Variants in PCNX2 observed in about 807,000 individuals in gnomAD.
PCNX2 encodes pecanex-like protein 2.
A neutral mutation model predicts 223.8 loss-of-function variants in PCNX2; 168 were observed. The observed-to-expected ratio is 0.75, with a 90% CI of 0.66 to 0.85. The LOEUF is 0.85. Ranked by LOEUF, PCNX2 falls within the 40% of genes least tolerant of loss-of-function variation. The pLI is 0.00. For synonymous variants in PCNX2, 1,006 were observed against 1,052.6 expected (o/e 0.96, Z 0.86); for missense variants, 2,507 against 2,675.5 (o/e 0.94, Z 1.39).
intron 15 of PCNX2, among the ~76,000 whole-genome samples, chr1:233,198,205 G>C (rs1455276356): frequency 1.3e-5 from 2 of 152,052 alleles, no homozygotes; most frequent in East Asian, 3.9e-4. Context: ...GCTATTTCTT[G>C]ATTTTTATTT....
chr1:233,254,093 G>A (rs1207990886), intron 5 of PCNX2, among the ~76,000 whole-genome samples: 1 of 152,216 alleles, frequency 6.6e-6, no homozygotes, highest in Non-Finnish European at 1.5e-5. Context: ...GTTAGTGTCT[G>A]TGGGATATAA....
At chr1:233,249,401 A>C (rs1366141416) in intron 8 of PCNX2, among the ~76,000 whole-genome samples, 1 of 152,250 alleles carries the variant, frequency 6.6e-6, no homozygotes, top group East Asian at 1.9e-4. Flanking sequence ...ATGCAATTAC[A>C]TATTTTGTCT....
At chr1:233,067,555 C>A (rs970472505) in intron 23 of PCNX2, among the ~76,000 whole-genome samples, 2 of 151,746 alleles carry the variant, frequency 1.3e-5, no homozygotes, top group Non-Finnish European at 2.9e-5. Context: ...CTCATTGCAA[C>A]CTTCACCTCC....
chr1:233,244,302 CATAGCTAG>C (rs1458978641), intron 8 of PCNX2, among the ~76,000 whole-genome samples: 2 of 152,196 alleles, frequency 1.3e-5, no homozygotes, highest in Non-Finnish European at 2.9e-5. Context: ...CTTGTGTTCA[CATAGCTAG>C]ATACTAAACC....
At position 233,161,285 on chromosome 1, in the gene PCNX2, A is replaced by G. The variant is rs1252265181; in HGVS notation, c.3352T>C (p.Phe1118Leu). The part of the protein sequence containing the change: ...LSFAVSASTV[F>L]LSLRPFLSIV... Reference sequence around the variant, plus strand: ...TGGATACATACTCGCAATGACAGGAATACAGTGCTGGCGCTGACTGCAAAT... The same window carrying G: ...TGGATACATACTCGCAATGACAGGAGTACAGTGCTGGCGCTGACTGCAAAT... Residue 1118 changes from phenylalanine (F) to leucine (L), a missense_variant, in exon 18 of 34, where the codon TTC (phenylalanine) becomes CTC (leucine). Coordinates refer to ENST00000258229, the MANE Select transcript of PCNX2 (RefSeq NM_014801.4). 6.2e-7 allele frequency: 1 copy of G among 1,613,670 alleles called. No individual in the cohort carries two copies. Among genetic ancestry groups the G allele is most frequent in the African/African-American group, 1.3e-5 (1 of 75,026 alleles).
intron 19 of PCNX2, among the ~76,000 whole-genome samples, chr1:233,143,361 A>G (rs1677239435): frequency 1.3e-5 from 2 of 152,234 alleles, no homozygotes; most frequent in African/African-American, 4.8e-5. Flanking sequence ...TAAGATGCAG[A>G]GTCTGATGCA....
chr1:233,106,717 C>T (rs965546732), intron 21 of PCNX2, among the ~76,000 whole-genome samples: 2 of 152,130 alleles, frequency 1.3e-5, no homozygotes, highest in African/African-American at 4.8e-5. Flanking sequence ...TCATTCACCT[C>T]CTATCAGGAT....
chr1:233,290,883 A>G, intron 1 of PCNX2: 1 of 985,450 alleles, frequency 1.0e-6, no homozygotes. Context: ...AGGGCTGCCC[A>G]TACAAACATA....
intron 8 of PCNX2, among the ~76,000 whole-genome samples, chr1:233,249,315 A>G (rs1248562354): frequency 6.6e-6 from 1 of 152,268 alleles, no homozygotes; most frequent in Non-Finnish European, 1.5e-5. Context: ...AATTTGTTCT[A>G]AATTCAGCTT....
chr1:233,015,245 A>T (rs1218212449), intron 27 of PCNX2, among the ~76,000 whole-genome samples: 1 of 152,222 alleles, frequency 6.6e-6, no homozygotes, highest in Admixed American at 6.5e-5. Context: ...GTCCACAATC[A>T]ACAACCAAAT....
intron 24 of PCNX2, 84 bp from the exon 25 acceptor site, chr1:233,054,567 A>T: frequency 9.1e-7 from 1 of 1,103,168 alleles, no homozygotes; most frequent in Non-Finnish European, 1.3e-6. Flanking sequence ...TTGTCATCTG[A>T]TTAAGGGTAA....
At chr1:233,307,980 A>G in the PCNX2 span, among the ~76,000 whole-genome samples, 1 of 152,244 alleles carries the variant, frequency 6.6e-6, no homozygotes, top group Non-Finnish European at 1.5e-5. Flanking sequence ...CAGGTCACCA[A>G]AGGATGAACT....
At chr1:233,063,799 C>T (rs1672492212) in intron 23 of PCNX2, among the ~76,000 whole-genome samples, 1 of 152,158 alleles carries the variant, frequency 6.6e-6, no homozygotes, top group Admixed American at 6.5e-5. Context: ...CTCTAAGTCT[C>T]TTAACCTCCC....
At chr1:233,077,497 A>C (rs151198858) in intron 23 of PCNX2, among the ~76,000 whole-genome samples, 5 of 152,282 alleles carry the variant, frequency 3.3e-5, no homozygotes, top group Non-Finnish European at 5.9e-5. Flanking sequence ...GTGCTCTACT[A>C]TTCTGCACTA....
chr1:232,993,452 G>A (rs962699553), intron 32 of PCNX2, among the ~76,000 whole-genome samples: 6 of 152,206 alleles, frequency 3.9e-5, no homozygotes, highest in Non-Finnish European at 8.8e-5. Context: ...TATTCTGAAA[G>A]TGTTCAGTCA....
At chr1:233,256,312 C>A (rs1659732465) in intron 5 of PCNX2, among the ~76,000 whole-genome samples, 1 of 152,104 alleles carries the variant, frequency 6.6e-6, no homozygotes. Context: ...TAATTGAATC[C>A]TCACAATAAA....
intron 10 of PCNX2, among the ~76,000 whole-genome samples, chr1:233,225,999 G>A (rs1657687809): frequency 6.6e-6 from 1 of 152,052 alleles, no homozygotes; most frequent in African/African-American, 2.4e-5. Flanking sequence ...CACTATTTAA[G>A]ACATTACTAT....
At chr1:233,092,070 T>C (rs1472931326) in intron 22 of PCNX2, among the ~76,000 whole-genome samples, 2 of 152,106 alleles carry the variant, frequency 1.3e-5, no homozygotes, top group Non-Finnish European at 2.9e-5. Context: ...CTCCTCATCA[T>C]TGGAAGAAAA....
intron 25 of PCNX2, among the ~76,000 whole-genome samples, chr1:233,031,294 G>A (rs1358239667): frequency 1.3e-5 from 2 of 152,014 alleles, no homozygotes; most frequent in African/African-American, 4.8e-5. Flanking sequence ...AAAACATTTC[G>A]CTTCACCCAC....
Sources: gnomAD v4.1 joint callset for allele counts (sites outside exome capture counted in the v4.1 genomes callset) on GRCh38, gnomAD v4.1.1 for gene constraint, MANE v1.5 for transcripts, NCBI Gene and HGNC (gene_info 2026-07-23, HGNC 2026-07-21) for gene names.